The following STXBP5L variants were observed in gnomAD, a reference collection of about 807,000 sequenced individuals.
STXBP5L encodes the protein syntaxin binding protein 5L, also known as syntaxin-binding protein 5-like.
A neutral mutation model predicts 144.5 loss-of-function variants in STXBP5L; 65 were observed. The observed-to-expected ratio is 0.45, with a 90% CI of 0.37 to 0.55. The LOEUF (loss-of-function observed/expected upper bound fraction) is 0.55, where lower values mean the gene tolerates loss of function less well. Ranked by LOEUF, STXBP5L falls within the 20% of genes least tolerant of loss-of-function variation. The pLI is 0.00. For synonymous variants in STXBP5L, 505 were observed against 469.6 expected (o/e 1.08, Z -0.97); for missense variants, 1,298 against 1,405.5 (o/e 0.92, Z 1.22).
chr3:121,096,136 G>A (rs561760907), intron 5 of STXBP5L, among the ~76,000 whole-genome samples: 7 of 152,160 alleles, frequency 4.6e-5, no homozygotes, highest in South Asian at 2.1e-4. Flanking sequence ...AATCCCCAGT[G>A]AGATGAACCC....
At chr3:120,913,847 G>A (rs368182138) in intron 2 of STXBP5L, among the ~76,000 whole-genome samples, 1 of 152,104 alleles carries the variant, frequency 6.6e-6, no homozygotes, top group Admixed American at 6.5e-5. Flanking sequence ...GCCCATTGAA[G>A]GCAGTCAAAT....
intron 2 of STXBP5L, among the ~76,000 whole-genome samples, chr3:120,922,565 A>C (rs1709409778): frequency 6.6e-6 from 1 of 151,898 alleles, no homozygotes; most frequent in Non-Finnish European, 1.5e-5. Flanking sequence ...AAGGCTTTCA[A>C]ATTTTCCCTG....
chr3:121,386,488 G>T (rs1425337580), intron 22 of STXBP5L, among the ~76,000 whole-genome samples: 2 of 152,142 alleles, frequency 1.3e-5, no homozygotes, highest in East Asian at 1.9e-4. Flanking sequence ...GTGCCATGTT[G>T]GTTTGTTGCA....
chr3:121,056,159 C>T (rs567290260), intron 5 of STXBP5L, among the ~76,000 whole-genome samples: 5 of 152,132 alleles, frequency 3.3e-5, no homozygotes, highest in South Asian at 2.1e-4. Flanking sequence ...CTTACAAATA[C>T]GATTTTAAAC....
At chr3:121,094,747 T>G (rs1453389398) in intron 5 of STXBP5L, among the ~76,000 whole-genome samples, 2 of 152,370 alleles carry the variant, frequency 1.3e-5, no homozygotes, top group African/African-American at 2.4e-5. Context: ...CTGTGTCTTT[T>G]AATTGGAGCA....
chr3:121,054,248 C>T (rs1948270448), intron 5 of STXBP5L, among the ~76,000 whole-genome samples: 1 of 151,962 alleles, frequency 6.6e-6, no homozygotes, highest in African/African-American at 2.4e-5. Flanking sequence ...TGGGTATATA[C>T]CCAAAGGATT....
intron 3 of STXBP5L, among the ~76,000 whole-genome samples, chr3:120,977,834 G>T (rs1233400136): frequency 2.6e-5 from 4 of 152,122 alleles, no homozygotes; most frequent in Non-Finnish European, 5.9e-5. Context: ...GAAATTCTGG[G>T]TTGAAAATTC....
intron 3 of STXBP5L, among the ~76,000 whole-genome samples, chr3:120,958,394 C>G (rs1189504899): frequency 2.0e-5 from 3 of 152,150 alleles, no homozygotes; most frequent in Admixed American, 6.5e-5. Context: ...GGGAATCCTC[C>G]CTAACTCATT....
chr3:121,389,911 G>A (rs2046532378), intron 22 of STXBP5L, among the ~76,000 whole-genome samples: 1 of 152,138 alleles, frequency 6.6e-6, no homozygotes, highest in East Asian at 1.9e-4. Context: ...TCTGCTTGTT[G>A]CAGAGCTGAG....
chr3:120,939,898 A>G (rs1185682728), intron 2 of STXBP5L, among the ~76,000 whole-genome samples: 1 of 152,134 alleles, frequency 6.6e-6, no homozygotes, highest in East Asian at 1.9e-4. Flanking sequence ...TTTATAGATG[A>G]AGAAACTGAG....
intron 5 of STXBP5L, among the ~76,000 whole-genome samples, chr3:121,089,432 C>T (rs2042667360): frequency 6.6e-6 from 1 of 151,730 alleles, no homozygotes; most frequent in African/African-American, 2.4e-5. Flanking sequence ...ATTCTACTTC[C>T]TCCTGGTCTC....
chr3:120,989,247 A>T (rs767811195), intron 3 of STXBP5L, among the ~76,000 whole-genome samples: 3 of 152,118 alleles, frequency 2.0e-5, no homozygotes, highest in Non-Finnish European at 4.4e-5. Flanking sequence ...TTACATTCCA[A>T]CAAGCAATGT....
At chr3:121,072,830 T>C (rs572792320) in intron 5 of STXBP5L, among the ~76,000 whole-genome samples, 2 of 152,352 alleles carry the variant, frequency 1.3e-5, no homozygotes, top group African/African-American at 2.4e-5. Context: ...ATTTCCTTTT[T>C]ATTTTTGATT....
At chr3:121,256,026 C>T (rs2050195845) in intron 16 of STXBP5L, among the ~76,000 whole-genome samples, 1 of 151,992 alleles carries the variant, frequency 6.6e-6, no homozygotes, top group South Asian at 2.1e-4. Context: ...TCTGGCTTTC[C>T]CATTAAATAT....
intron 3 of STXBP5L, among the ~76,000 whole-genome samples, chr3:121,006,220 G>A (rs1051851882): frequency 2.0e-5 from 3 of 152,062 alleles, no homozygotes; most frequent in East Asian, 1.9e-4. Flanking sequence ...GACTTGCTTT[G>A]TGAATCTGGG....
At chr3:121,131,258 G>A (rs2107896003) in intron 7 of STXBP5L, among the ~76,000 whole-genome samples, 1 of 152,136 alleles carries the variant, frequency 6.6e-6, no homozygotes, top group East Asian at 1.9e-4. Context: ...ATTTTACACA[G>A]CTCTAAGCAG....
At chr3:120,955,082 T>C in intron 3 of STXBP5L, 45 bp downstream of exon 3, 1 of 1,311,636 alleles carries the variant, frequency 7.6e-7, no homozygotes, top group Non-Finnish European at 1.1e-6. Flanking sequence ...TAATGCCAAT[T>C]ACATTTCTTT....
chr3:121,286,580 G>T (rs941884567), intron 19 of STXBP5L, among the ~76,000 whole-genome samples: 4 of 152,050 alleles, frequency 2.6e-5, no homozygotes, highest in African/African-American at 7.2e-5. Flanking sequence ...GCAATAATAG[G>T]GAAAAATGAG....
At chr3:121,361,466 T>C (rs2045711113) in intron 20 of STXBP5L, among the ~76,000 whole-genome samples, 1 of 152,092 alleles carries the variant, frequency 6.6e-6, no homozygotes. Context: ...TGTAGCATGC[T>C]TCATTCTTTT....
Sources: allele counts gnomAD v4.1 joint callset (sites outside exome capture counted in the v4.1 genomes callset), GRCh38; gene constraint gnomAD v4.1.1; transcripts MANE v1.5; gene names NCBI Gene and HGNC (gene_info 2026-07-23, HGNC 2026-07-21).